Variants in GALNT14 observed in about 807,000 individuals in gnomAD.
The protein encoded by GALNT14 is UDP-GalNAc:polypeptide N-acetylgalactosaminyltransferase 14.
In GALNT14, 60 loss-of-function variants were observed where a neutral mutation model predicts 77.5. The ratio of observed to expected loss-of-function variants is 0.77; its 90% CI spans 0.63 to 0.96. The LOEUF is 0.96. GALNT14 is among the 40% of genes least tolerant of loss of function. The probability of loss-of-function intolerance (pLI) is 0.00; values close to 1 mark genes in which losing one functional copy is unlikely to be tolerated. For synonymous variants in GALNT14, 280 were observed against 281.7 expected (o/e 0.99, Z 0.06); for missense variants, 710 against 731.0 (o/e 0.97, Z 0.33).
rs1573314516 is a variant in GALNT14, at chr2:31,078,871, G to C, written c.129+59087C>G. On this transcript the variant is annotated intron_variant, in intron 1 of 14. Coordinates refer to ENST00000349752, the MANE Select transcript of GALNT14 (RefSeq NM_024572.4). ...CCCAGGCACAGGAGAGCAGGGGAAA[G>C]TAGGGCAAAGCAGGGTTTGGGGACC... 5.5e-6 allele frequency: 7 copies of C among 1,273,468 alleles called. No homozygotes were observed. The East Asian group carries it at 3.9e-4, about 71-fold the overall frequency. 78.9% of individuals were successfully genotyped at this position (1,273,468 alleles called of 1,614,324 possible). A position where few individuals can be genotyped will look rare whatever the true frequency, so the allele number is the denominator to read the frequency against.
At chr2:30,923,265 T>C (rs375200135) in intron 13 of GALNT14, among the ~76,000 whole-genome samples, 1 of 152,026 alleles carries the variant, frequency 6.6e-6, no homozygotes, top group African/African-American at 2.4e-5. Flanking sequence ...GGTTTCACCA[T>C]GTTTGCCAGG....
At chr2:31,059,772 A>G (rs1674475773) in intron 1 of GALNT14, among the ~76,000 whole-genome samples, 1 of 152,252 alleles carries the variant, frequency 6.6e-6, no homozygotes, top group Non-Finnish European at 1.5e-5. Flanking sequence ...TGCCATGTGA[A>G]GACACAGCAA....
At position 31,031,724 on chromosome 2, in the gene GALNT14, G is replaced by C. The variant is rs528175832; in HGVS notation, c.130-38717C>G. ...CCTTTAAGTGCTCTGCCTAAGCCTT[G>C]AAAATAGCTACCATCCTTAGGATCC... On this transcript the variant is annotated intron_variant, in intron 1 of 14. Coordinates refer to ENST00000349752, the MANE Select transcript of GALNT14 (RefSeq NM_024572.4). Among the ~76,000 whole-genome samples, 6 of 152,278 alleles carry C rather than the reference G, an allele frequency of 3.9e-5. No homozygotes were observed. The East Asian group carries it at 1.2e-3, about 29-fold the overall frequency.
chr2:31,002,699 A>G (rs570310017), intron 1 of GALNT14, among the ~76,000 whole-genome samples: 1 of 152,198 alleles, frequency 6.6e-6, no homozygotes, highest in African/African-American at 2.4e-5. Context: ...ATATCACCAT[A>G]TGCTCCCATA....
At chr2:30,926,775 T>C (rs1665410498) in intron 11 of GALNT14, among the ~76,000 whole-genome samples, 1 of 150,924 alleles carries the variant, frequency 6.6e-6, no homozygotes. Context: ...CTCATGCTGA[T>C]GGGGCAGCGA....
chr2:31,014,978 C>T (rs1197635461), intron 1 of GALNT14, among the ~76,000 whole-genome samples: 1 of 152,044 alleles, frequency 6.6e-6, no homozygotes, highest in East Asian at 1.9e-4. Flanking sequence ...AAGAATCAAC[C>T]ACTCGCTAGC....
chr2:31,094,079 TC>T (rs1676886339), intron 1 of GALNT14, among the ~76,000 whole-genome samples: 3 of 152,238 alleles, frequency 2.0e-5, no homozygotes, highest in African/African-American at 7.2e-5. Context: ...CAACTGAAGA[TC>T]CACAAAAGAA....
intron 1 of GALNT14, among the ~76,000 whole-genome samples, chr2:31,007,951 A>C (rs1402229234): frequency 6.6e-6 from 1 of 152,146 alleles, no homozygotes; most frequent in Non-Finnish European, 1.5e-5. Flanking sequence ...TCTCTGGCCC[A>C]CAACCTCTGA....
In GALNT14 at chr2:30,993,025, G is replaced by A; in HGVS notation, c.130-18C>T. 6.2e-7 allele frequency: 1 copy of A among 1,612,872 alleles called. No individual in the cohort carries two copies. The highest frequency in any genetic ancestry group is 8.5e-7 in the Non-Finnish European group (1 of 1,179,548). On this transcript the variant is annotated intron_variant, in intron 1 of 14. Coordinates refer to ENST00000349752, the MANE Select transcript of GALNT14 (RefSeq NM_024572.4). ...TCCGAAGGCTGCGTGACACGAATGGGAAGTCTGTGAGAACGGCTCCCTGTC... is the reference window on the plus strand; with the variant it reads ...TCCGAAGGCTGCGTGACACGAATGGAAAGTCTGTGAGAACGGCTCCCTGTC...
In GALNT14 at chr2:31,133,363, T is replaced by C. The variant is rs978579999; in HGVS notation, c.129+4595A>G. The stretch of plus-strand genomic sequence containing the variant: ...GGGTCTCTCTCTAAAATTTATGACT[T>C]TTTTTAATGAGAGAAATTATCTACT... On this transcript the variant is annotated intron_variant, in intron 1 of 14. Transcript: ENST00000349752. 1.1e-4 allele frequency among the ~76,000 whole-genome samples: 16 copies of C among 152,168 alleles called. 1 individual carries two copies. The highest frequency in any genetic ancestry group is 2.1e-4 in the Non-Finnish European group (14 of 68,042).
chr2:30,952,320 T>C (rs1198528588), intron 6 of GALNT14, among the ~76,000 whole-genome samples: 1 of 152,052 alleles, frequency 6.6e-6, no homozygotes, highest in Non-Finnish European at 1.5e-5. Flanking sequence ...CGTATGTTTA[T>C]TGCGGCATTA....
rs1459269819 is a variant in GALNT14 at position 30,918,643 on chromosome 2, T to C, written c.1380+5476A>G. On this transcript the variant is annotated intron_variant, in intron 13 of 14. Transcript: ENST00000349752. ...TGGCATCGGGCAGGGAGGGTGGCATTGGGCAGGGAGGATGGCATCGGGCAG... is the reference window on the plus strand; with the variant it reads ...TGGCATCGGGCAGGGAGGGTGGCATCGGGCAGGGAGGATGGCATCGGGCAG... 2.8e-3 allele frequency among the ~76,000 whole-genome samples: 214 copies of C among 77,144 alleles called. 1 individual carries two copies. The highest frequency in any genetic ancestry group is 9.3e-3 in the Admixed American group (64 of 6,916). 50.6% of individuals were successfully genotyped at this position (77,144 alleles called of 152,430 possible). A position where few individuals can be genotyped will look rare whatever the true frequency, so the allele number is the denominator to read the frequency against.
intron 2 of GALNT14, among the ~76,000 whole-genome samples, chr2:30,989,583 A>ATATATATATATACATATAAAT (rs56703340): frequency 3.3e-5 from 3 of 91,878 alleles, no homozygotes; most frequent in Non-Finnish European, 6.5e-5. Context: ...TATATATATA[A>ATATATATATATACATATAAAT]AAATATATAT....
At chr2:31,051,761 T>C (rs1214550639) in intron 1 of GALNT14, among the ~76,000 whole-genome samples, 1 of 152,206 alleles carries the variant, frequency 6.6e-6, no homozygotes, top group Non-Finnish European at 1.5e-5. Context: ...GTTCAGGGAC[T>C]GGGACACCAT....
chr2:31,072,173 G>A (rs1675419036), intron 1 of GALNT14, among the ~76,000 whole-genome samples: 1 of 152,022 alleles, frequency 6.6e-6, no homozygotes, highest in Non-Finnish European at 1.5e-5. Flanking sequence ...TGCAGAGGTG[G>A]AGGGCGAGGG....
intron 1 of GALNT14, among the ~76,000 whole-genome samples, chr2:31,069,234 G>T (rs555805162): frequency 6.6e-6 from 1 of 152,302 alleles, no homozygotes; most frequent in South Asian, 2.1e-4. Flanking sequence ...AGAGGGACAG[G>T]GAGGAAGCTA....
chr2:31,036,678 G>C (rs2148490586), intron 1 of GALNT14, among the ~76,000 whole-genome samples: 1 of 152,238 alleles, frequency 6.6e-6, no homozygotes, highest in East Asian at 1.9e-4. Context: ...AGTAGTTCTT[G>C]TGGGGCAGTT....
In GALNT14 at chr2:31,114,777, A is replaced by G. The variant is rs1277469062; in HGVS notation, c.129+23181T>C. The G allele has an allele frequency of 1.7e-5, 12 of 717,492 alleles. No individual in the cohort carries two copies. The East Asian group carries it at 2.9e-4, about 18-fold the overall frequency. The allele number at this position is 717,492 out of a possible 1,614,324, so 44.4% of individuals were successfully genotyped here. A position where few individuals can be genotyped will look rare whatever the true frequency, so the allele number is the denominator to read the frequency against. On this transcript the variant is annotated intron_variant, in intron 1 of 14. Coordinates refer to ENST00000349752, the MANE Select transcript of GALNT14 (RefSeq NM_024572.4). ...AGAAAGACCTGAGTCTGCAAATGGA[A>G]CTGAGCTTCTTGCAAGAGACATGGG...
intron 9 of GALNT14, among the ~76,000 whole-genome samples, chr2:30,938,274 C>T (rs183402464): frequency 2.2e-4 from 33 of 150,698 alleles, no homozygotes; most frequent in Middle Eastern, 3.4e-3. Context: ...TGGAAATATG[C>T]ACCGCTTACA....
Sources: gnomAD v4.1 joint callset for allele counts (sites outside exome capture counted in the v4.1 genomes callset) on GRCh38, gnomAD v4.1.1 for gene constraint, MANE v1.5 for transcripts, NCBI Gene and HGNC (gene_info 2026-07-23, HGNC 2026-07-21) for gene names.